Variants in GCNT2 observed in about 807,000 individuals in gnomAD.
GCNT2 encodes the protein N-acetyllactosaminide beta-1,6-N-acetylglucosaminyl-transferase.
Under a neutral mutation model 34.2 loss-of-function variants are expected in GCNT2, and 34 were observed. The ratio of observed to expected loss-of-function variants is 1.00; its 90% CI spans 0.76 to 1.32. The LOEUF (loss-of-function observed/expected upper bound fraction) is 1.32, where lower values mean the gene tolerates loss of function less well. GCNT2 is among the 40% of genes most tolerant of loss of function. The pLI is 0.00. For missense variants in GCNT2, 584 were observed against 489.4 expected (o/e 1.19, Z -1.82); for synonymous variants, 212 against 188.0 (o/e 1.13, Z -1.04).
At chr6:10,532,788 T>C (rs1325502188) in intron 3 of GCNT2, among the ~76,000 whole-genome samples, 1 of 152,122 alleles carries the variant, frequency 6.6e-6, no homozygotes, top group Non-Finnish European at 1.5e-5. Context: ...GGGCTGAATG[T>C]AGGAGGTTAG....
At chr6:10,616,821 GAC>G (rs1261416370) in intron 3 of GCNT2, among the ~76,000 whole-genome samples, 6 of 152,188 alleles carry the variant, frequency 3.9e-5, no homozygotes, top group African/African-American at 1.4e-4. Context: ...AGAGTAACTA[GAC>G]ACAGAGTGCC....
intron 3 of GCNT2, among the ~76,000 whole-genome samples, chr6:10,546,148 C>G (rs1762253591): frequency 6.6e-6 from 1 of 152,144 alleles, no homozygotes; most frequent in Non-Finnish European, 1.5e-5. Context: ...ATGGGCTACA[C>G]GTTGATCTCA....
At chr6:10,536,139 T>C (rs111361026) in intron 3 of GCNT2, among the ~76,000 whole-genome samples, 1,676 of 152,156 alleles carry the variant, frequency 0.011, 38 homozygotes, top group African/African-American at 0.038. Flanking sequence ...ATCAAGGTGG[T>C]CTTGGGAACT....
chr6:10,619,001 T>C (rs922054236), intron 3 of GCNT2, among the ~76,000 whole-genome samples: 1 of 152,216 alleles, frequency 6.6e-6, no homozygotes, highest in African/African-American at 2.4e-5. Flanking sequence ...AATCAGATCA[T>C]CATATAATCA....
intron 3 of GCNT2, among the ~76,000 whole-genome samples, chr6:10,579,618 C>A (rs1763973945): frequency 6.6e-6 from 1 of 151,932 alleles, no homozygotes; most frequent in Admixed American, 6.6e-5. Context: ...GAGCTTGAGA[C>A]CAGCCTGGCC....
At chr6:10,596,617 T>C (rs539631753) in intron 3 of GCNT2, among the ~76,000 whole-genome samples, 25 of 152,136 alleles carry the variant, frequency 1.6e-4, no homozygotes, top group African/African-American at 5.3e-4. Flanking sequence ...GTTAGTGGGG[T>C]ACACTGGTAT....
Position 10,555,895 on chromosome 6 carries a change from A to G in GCNT2, c.925+26059A>G, listed in dbSNP as rs560605815. 5.1e-4 allele frequency: 506 copies of G among 998,290 alleles called. No individual in the cohort carries two copies. The highest frequency in any genetic ancestry group is 3.1e-3 in the South Asian group (71 of 22,566). 61.8% of individuals were successfully genotyped at this position (998,290 alleles called of 1,614,324 possible). A position where few individuals can be genotyped will look rare whatever the true frequency, so the allele number is the denominator to read the frequency against. Reference sequence around the variant, plus strand: ...GTTGCGCTGGAAGAGCTGAGAGGCCAGGCTGTGGATCCTTGCCACGAACAA... The same window carrying G: ...GTTGCGCTGGAAGAGCTGAGAGGCCGGGCTGTGGATCCTTGCCACGAACAA... On this transcript the variant is annotated intron_variant, in intron 3 of 4. Transcript: ENST00000495262.
At chr6:10,605,328 A>C (rs1250033777) in intron 3 of GCNT2, among the ~76,000 whole-genome samples, 1 of 140,554 alleles carries the variant, frequency 7.1e-6, no homozygotes, top group Non-Finnish European at 1.5e-5. Context: ...CCATCCCCCT[A>C]CCTCAGCCTC....
intron 3 of GCNT2, among the ~76,000 whole-genome samples, chr6:10,607,782 C>T (rs947310152): frequency 3.9e-5 from 6 of 152,000 alleles, no homozygotes; most frequent in Non-Finnish European, 7.4e-5. Context: ...CACTATGTAC[C>T]GAGCGCCATT....
intron 3 of GCNT2, among the ~76,000 whole-genome samples, chr6:10,574,213 C>T (rs954453978): frequency 6.6e-6 from 1 of 152,126 alleles, no homozygotes; most frequent in African/African-American, 2.4e-5. Flanking sequence ...CCTGGCATAT[C>T]TCGGACTGGC....
At chr6:10,560,728 C>G (rs1451613601) in intron 3 of GCNT2, among the ~76,000 whole-genome samples, 1 of 152,002 alleles carries the variant, frequency 6.6e-6, no homozygotes, top group Non-Finnish European at 1.5e-5. Flanking sequence ...AATCACAGAG[C>G]TTCACACTGC....
At chr6:10,524,188 A>G (rs1349413627) in intron 1 of GCNT2, among the ~76,000 whole-genome samples, 4 of 151,788 alleles carry the variant, frequency 2.6e-5, no homozygotes, top group Non-Finnish European at 5.9e-5. Flanking sequence ...GACTTATTCA[A>G]CGGCTCCAAG....
intron 3 of GCNT2, chr6:10,557,241 A>G (rs141530546): frequency 5.0e-6 from 8 of 1,599,494 alleles, no homozygotes; most frequent in Non-Finnish European, 6.0e-6. Context: ...GAGTTTGCCA[A>G]CTTTGTTCTG....
At chr6:10,569,883 C>CT (rs1271469276) in intron 3 of GCNT2, among the ~76,000 whole-genome samples, 3 of 149,398 alleles carry the variant, frequency 2.0e-5, no homozygotes, top group Non-Finnish European at 4.4e-5. Flanking sequence ...CTTTCTCTTT[C>CT]TTTTTCTTTC....
intron 3 of GCNT2, among the ~76,000 whole-genome samples, chr6:10,577,259 A>T (rs896342705): frequency 5.3e-5 from 8 of 152,210 alleles, no homozygotes; most frequent in African/African-American, 1.9e-4. Flanking sequence ...GGTGACAGCC[A>T]TGTAGGGCAG....
At chr6:10,531,036 G>C (rs1412314865) in intron 3 of GCNT2, among the ~76,000 whole-genome samples, 1 of 126,476 alleles carries the variant, frequency 7.9e-6, no homozygotes, top group South Asian at 2.5e-4. Context: ...CGGAGACTCT[G>C]TCTCAAAAAA....
intron 3 of GCNT2, among the ~76,000 whole-genome samples, chr6:10,582,735 T>A (rs1018704200): frequency 8.6e-5 from 13 of 151,108 alleles, no homozygotes; most frequent in Admixed American, 7.4e-4. Flanking sequence ...TTTTTTCCAT[T>A]ACTAAGAACA....
At chr6:10,561,662 T>A (rs1243496383) in intron 3 of GCNT2, among the ~76,000 whole-genome samples, 1 of 152,242 alleles carries the variant, frequency 6.6e-6, no homozygotes, top group Non-Finnish European at 1.5e-5. Context: ...TACCCCACTC[T>A]TTGGCTTCAG....
intron 3 of GCNT2, chr6:10,555,688 G>C: frequency 1.0e-6 from 1 of 979,090 alleles, no homozygotes; most frequent in Non-Finnish European, 1.2e-6. Flanking sequence ...AGCAATTTCA[G>C]ACCCCCTGGG....
Sources: allele counts gnomAD v4.1 joint callset (sites outside exome capture counted in the v4.1 genomes callset), GRCh38; gene constraint gnomAD v4.1.1; transcripts MANE v1.5; gene names NCBI Gene and HGNC (gene_info 2026-07-23, HGNC 2026-07-21).